Variants in HMG20B observed in about 807,000 individuals in gnomAD.
HMG20B encodes SWI/SNF-related matrix-associated actin-dependent regulator of chromatin subfamily E member 1-related.
Under a neutral mutation model 41.6 loss-of-function variants are expected in HMG20B, and 24 were observed. The ratio of observed to expected loss-of-function variants is 0.58; its 90% CI spans 0.42 to 0.81. HMG20B has a LOEUF of 0.81. Ranked by LOEUF, HMG20B falls within the 30% of genes least tolerant of loss-of-function variation. The pLI is 0.00. For missense variants in HMG20B, 461 were observed against 444.0 expected, an observed-to-expected ratio of 1.04 and a Z score of -0.34; for synonymous variants, 251 against 186.6, an observed-to-expected ratio of 1.34 and a Z score of -2.81.
intron 5 of HMG20B, chr19:3,575,943 CAAAAAAA>C (rs71166913): frequency 2.1e-5 from 6 of 289,570 alleles, no homozygotes; most frequent in African/African-American, 1.2e-4. Flanking sequence ...GACTCCGTCT[CAAAAAAA>C]AAAAAAAAAG....
intron 8 of HMG20B, among the ~76,000 whole-genome samples, chr19:3,577,476 C>T (rs2032195852): frequency 1.4e-5 from 2 of 143,636 alleles, no homozygotes; most frequent in South Asian, 2.2e-4. Context: ...GTGCCCCCAC[C>T]CTTCGCGCCC....
At chr19:3,574,126 A>C (rs2032103713) in intron 3 of HMG20B, 1 of 620,572 alleles carries the variant, frequency 1.6e-6, no homozygotes, top group African/African-American at 1.9e-5. Flanking sequence ...CCACGCCCAC[A>C]ACCGAAGTCA....
At chr19:3,574,360 A>G (rs1251114089) in intron 3 of HMG20B, 23 bp from the exon 4 acceptor site, 1 of 1,297,026 alleles carries the variant, frequency 7.7e-7, no homozygotes, top group Admixed American at 2.6e-5. Context: ...CCCCCCTCCC[A>G]ACGACGCAGC....
intron 7 of HMG20B, 40 bp downstream of exon 7, chr19:3,576,665 C>G (rs1410287528): frequency 6.4e-7 from 1 of 1,572,584 alleles, no homozygotes; most frequent in Non-Finnish European, 8.7e-7. Flanking sequence ...CTCCGTGAAA[C>G]TGGGTGGTAG....
At chr19:3,573,503 G>T (rs375631202) in intron 2 of HMG20B, 156 bp downstream of exon 2, 1 of 930,966 alleles carries the variant, frequency 1.1e-6, no homozygotes, top group South Asian at 1.9e-5. Flanking sequence ...CCCCACCTCG[G>T]CCTCCAGTCC....
intron 8 of HMG20B, 130 bp from the exon 9 acceptor site, chr19:3,577,851 C>A: frequency 1.2e-6 from 1 of 812,624 alleles, no homozygotes; most frequent in Non-Finnish European, 1.9e-6. Flanking sequence ...TGCGCCGCTC[C>A]TGCGCTGGCG....
chr19:3,577,803 C>T (rs562534981), intron 8 of HMG20B, among the ~76,000 whole-genome samples, 178 bp from the exon 9 acceptor site: 168 of 151,744 alleles, frequency 1.1e-3, no homozygotes, highest in Middle Eastern at 3.4e-3. Flanking sequence ...TGTCCCCGTC[C>T]TCGCCATCCT....
At chr19:3,574,347 A>C (rs1599854086) in intron 3 of HMG20B, 36 bp from the exon 4 acceptor site, 6 of 1,229,486 alleles carry the variant, frequency 4.9e-6, no homozygotes, top group Non-Finnish European at 6.3e-6. Context: ...CCAGTACGCC[A>C]GGCCCCCCTC....
At chr19:3,575,738 G>A (rs117381810) in intron 5 of HMG20B, 78 bp downstream of exon 5, 45,802 of 1,283,922 alleles carry the variant, frequency 0.036, 1,716 homozygotes, top group Admixed American at 0.15. Flanking sequence ...ATCACCTGAG[G>A]TCAGACCAGC....
rs1171730370 is a variant in HMG20B at position 3,578,621 on chromosome 19, G to C, written c.*100G>C. On this transcript the variant is annotated 3_prime_UTR_variant, in exon 10 of 10. Transcript: ENST00000333651. ...GCTGGGGGTCCACCCTTTGGGGCCT[G>C]GTCCCATCCTGCACCTTGGGGGCTC... 6.9e-7 allele frequency: 1 copy of C among 1,458,152 alleles called. No homozygotes were observed. The highest frequency in any genetic ancestry group is 1.2e-5 in the South Asian group (1 of 82,072). 90.3% of individuals were successfully genotyped at this position (1,458,152 alleles called of 1,614,324 possible). A position where few individuals can be genotyped will look rare whatever the true frequency, so the allele number is the denominator to read the frequency against.
At position 3,578,941 on chromosome 19, in the gene HMG20B, C is replaced by T; in HGVS notation, c.*420C>T. 1 of 416,172 alleles carries T rather than the reference C, an allele frequency of 2.4e-6. No individual in the cohort carries two copies. The allele number at this position is 416,172 out of a possible 1,614,324, so 25.8% of individuals were successfully genotyped here. A position where few individuals can be genotyped will look rare whatever the true frequency, so the allele number is the denominator to read the frequency against. On this transcript the variant is annotated 3_prime_UTR_variant, in exon 10 of 10. Coordinates refer to ENST00000333651, the MANE Select transcript of HMG20B (RefSeq NM_006339.3). ...TTGTGGGGACTTACCTGGGGTGTCC[C>T]CCGCATGCCTGTACCCCAGATGGGT...
rs571505578 is a variant in HMG20B, at chr19:3,578,228, C to T, written c.941+115C>T. ...TGGGACTCCGCAGCTTACTAGAGAT[C>T]ACCTCCCGGAGGGGCCTACCTGCGG... On this transcript the variant is annotated intron_variant, in intron 9 of 9. Transcript: ENST00000333651. The T allele has an allele frequency of 5.2e-4, 748 of 1,425,226 alleles. 4 individuals carry two copies. The highest frequency in any genetic ancestry group is 2.5e-3 in the Middle Eastern group (14 of 5,504). The allele number at this position is 1,425,226 out of a possible 1,614,324, so 88.3% of individuals were successfully genotyped here. A position where few individuals can be genotyped will look rare whatever the true frequency, so the allele number is the denominator to read the frequency against.
Position 3,573,116 on chromosome 19 carries a change from G to A in HMG20B, c.-19+122G>A, listed in dbSNP as rs942660227. On this transcript the variant is annotated intron_variant, in intron 1 of 9. Transcript: ENST00000333651. ...CCCAGGCCTCCCGGGGGGGGCAATCGCCCAACAAAGGATTCTTGGGGCGCC... is the reference window on the plus strand; with the variant it reads ...CCCAGGCCTCCCGGGGGGGGCAATCACCCAACAAAGGATTCTTGGGGCGCC... 9.7e-6 allele frequency: 5 copies of A among 517,274 alleles called. No individual in the cohort carries two copies. The African/African-American group carries it at 1.0e-4, about 11-fold the overall frequency. 32.0% of individuals were successfully genotyped at this position (517,274 alleles called of 1,614,324 possible). A position where few individuals can be genotyped will look rare whatever the true frequency, so the allele number is the denominator to read the frequency against.
chr19:3,576,583 G>T lies in HMG20B; in HGVS notation c.550G>T (p.Asp184Tyr), dbSNP rs2032166374. ...GGDCDGFSTF[D>Y]VPIFTEEFLD... ...GGACTGCGATGGCTTCTCCACCTTC[G>T]ATGTTCCCATCTTCACTGAAGAGTT... The change falls in exon 7 of 10, where the codon GAT becomes TAT. Residue 184 changes from aspartate (D) to tyrosine (Y), a missense_variant. By Grantham distance (160) the Asp-to-Tyr change is radical (BLOSUM62 -3). Transcript: ENST00000333651. 6.2e-7 allele frequency: 1 copy of T among 1,613,644 alleles called. No homozygotes were observed. The highest frequency in any genetic ancestry group is 1.1e-5 in the South Asian group (1 of 91,006).
chr19:3,574,801 C>T (rs1361578230), intron 4 of HMG20B, among the ~76,000 whole-genome samples: 1 of 151,984 alleles, frequency 6.6e-6, no homozygotes, highest in African/African-American at 2.4e-5. Flanking sequence ...TCACTGCAAC[C>T]TCCGCCTCCC....
intron 2 of HMG20B, 44 bp downstream of exon 2, chr19:3,573,391 G>T (rs1425189683): frequency 3.4e-6 from 5 of 1,492,104 alleles, no homozygotes; most frequent in Non-Finnish European, 4.5e-6. Context: ...TACTTTCCCG[G>T]CTGCAGCCCT....
intron 5 of HMG20B, 70 bp downstream of exon 5, chr19:3,575,730 C>A: frequency 7.3e-7 from 1 of 1,366,312 alleles, no homozygotes; most frequent in Non-Finnish European, 1.0e-6. Flanking sequence ...GCGGGTGTAT[C>A]ACCTGAGGTC....
chr19:3,573,156 TC>T, intron 1 of HMG20B, 135 bp from the exon 2 acceptor site: 2 of 649,424 alleles, frequency 3.1e-6, no homozygotes, highest in Non-Finnish European at 2.4e-6. Flanking sequence ...CTCGAGGACT[TC>T]CCTGCCCCTG....
Position 3,575,557 on chromosome 19 carries a change from C to A in HMG20B, c.369C>A (p.Ala123=). 1 of 1,562,184 alleles carries A rather than the reference C, an allele frequency of 6.4e-7. No homozygotes were observed. Among genetic ancestry groups the A allele is most frequent in the Non-Finnish European group, 8.7e-7 (1 of 1,153,658 alleles). Residue 123 remains alanine (A), a synonymous_variant, in exon 5 of 10, where the codon GCC becomes GCA. Transcript: ENST00000333651. ...CCCCCCAGCGGTACCTGGATGAGGC[C>A]GAGAGAGAGAAGCAGCAGTACATGA... is the stretch of plus-strand genomic sequence containing the variant. ...PTEKQRYLDE[A]EREKQQYMKE...
Sources: allele counts gnomAD v4.1 joint callset (sites outside exome capture counted in the v4.1 genomes callset), GRCh38; gene constraint gnomAD v4.1.1; transcripts MANE v1.5; gene names NCBI Gene and HGNC (gene_info 2026-07-23, HGNC 2026-07-21).